EDIL3: variants seen among roughly 807,000 people sequenced by gnomAD.
The protein encoded by EDIL3 is EGF like and discoidin domains 3.
A neutral mutation model predicts 67.4 loss-of-function variants in EDIL3; 37 were observed. That is an observed-to-expected ratio of 0.55 (90% CI 0.42 to 0.72). The LOEUF is 0.72. Ranked by LOEUF, EDIL3 falls within the 30% of genes least tolerant of loss-of-function variation. EDIL3 has a pLI of 0.00. For synonymous variants in EDIL3, 195 were observed against 196.3 expected (o/e 0.99, Z 0.05); for missense variants, 527 against 586.3 (o/e 0.90, Z 1.04).
intron 1 of EDIL3, among the ~76,000 whole-genome samples, chr5:84,270,387 G>A (rs966248829): frequency 5.9e-5 from 9 of 152,126 alleles, no homozygotes; most frequent in Non-Finnish European, 1.3e-4. Context: ...TTGCAGATGT[G>A]AAATATTTAG....
chr5:84,366,075 A>G (rs1004028067), intron 1 of EDIL3, among the ~76,000 whole-genome samples: 1 of 152,180 alleles, frequency 6.6e-6, no homozygotes, highest in African/African-American at 2.4e-5. Flanking sequence ...CCAGAAAGTT[A>G]TAGCTCAAAG....
In EDIL3 at chr5:84,117,031, T is replaced by TA. The variant is rs1561436254; in HGVS notation, c.470-10202_470-10201insT. On this transcript the variant is annotated intron_variant, in intron 5 of 10. Transcript: ENST00000296591. ...CAAGTTAAGTACTTATTTTTTTTTT[T>TA]TTTTTTTTTTTTTTGAGACGGAGTC... Among the ~76,000 whole-genome samples, 923 of 127,926 alleles carry TA rather than the reference T, an allele frequency of 7.2e-3. 15 individuals are homozygous for TA. The highest frequency in any genetic ancestry group is 0.031 in the African/African-American group (883 of 28,654). 83.9% of individuals were successfully genotyped at this position (127,926 alleles called of 152,430 possible).
intron 1 of EDIL3, among the ~76,000 whole-genome samples, chr5:84,379,081 G>C (rs1391885967): frequency 6.6e-6 from 1 of 152,094 alleles, no homozygotes; most frequent in East Asian, 1.9e-4. Context: ...TTTTATCCTA[G>C]GAGAACTCTG....
chr5:84,244,030 T>C (rs2112062926), intron 2 of EDIL3, among the ~76,000 whole-genome samples: 1 of 152,312 alleles, frequency 6.6e-6, no homozygotes, highest in Non-Finnish European at 1.5e-5. Context: ...AACCTAGTTT[T>C]TCTATGGCTC....
chr5:84,171,525 A>G (rs1213923545), intron 4 of EDIL3, among the ~76,000 whole-genome samples: 1 of 152,188 alleles, frequency 6.6e-6, no homozygotes, highest in Non-Finnish European at 1.5e-5. Context: ...AGATTTTAAG[A>G]GCAGTAAGCT....
chr5:84,163,560 C>A (rs1013787747), intron 4 of EDIL3, among the ~76,000 whole-genome samples: 1 of 151,942 alleles, frequency 6.6e-6, no homozygotes, highest in Non-Finnish European at 1.5e-5. Context: ...ATAAAAAAGT[C>A]ATGGATAGCT....
chr5:84,016,746 T>C (rs527679363), intron 9 of EDIL3, among the ~76,000 whole-genome samples: 1 of 152,342 alleles, frequency 6.6e-6, no homozygotes, highest in South Asian at 2.1e-4. Context: ...TCAATACATA[T>C]ATATGTAAAC....
chr5:84,348,900 T>C (rs887513535), intron 1 of EDIL3, among the ~76,000 whole-genome samples: 2 of 152,208 alleles, frequency 1.3e-5, no homozygotes, highest in East Asian at 3.8e-4. Context: ...TAAATAAAAA[T>C]CATATTTAAT....
intron 1 of EDIL3, among the ~76,000 whole-genome samples, chr5:84,319,494 C>CAAAAAAAAAAAAAAAAAA (rs55738450): frequency 7.7e-4 from 33 of 42,832 alleles, no homozygotes; most frequent in East Asian, 1.7e-3. Flanking sequence ...CAAAAAACAA[C>CAAAAAAAAAAAAAAAAAA]AAAAAAAAAA....
At chr5:84,297,167 G>C (rs1173494814) in intron 1 of EDIL3, among the ~76,000 whole-genome samples, 4 of 118,226 alleles carry the variant, frequency 3.4e-5, no homozygotes, top group Admixed American at 1.0e-4. Flanking sequence ...GGGCGACAGA[G>C]CAAGACTCCG....
At chr5:84,363,348 G>A (rs1037850588) in intron 1 of EDIL3, among the ~76,000 whole-genome samples, 18 of 151,674 alleles carry the variant, frequency 1.2e-4, no homozygotes, top group Non-Finnish European at 5.9e-5. Flanking sequence ...TACTCGGGAG[G>A]CTGAGGCAGG....
At chr5:84,015,640 G>A (rs888127973) in intron 9 of EDIL3, among the ~76,000 whole-genome samples, 1 of 151,848 alleles carries the variant, frequency 6.6e-6, no homozygotes, top group African/African-American at 2.4e-5. Context: ...TTTACATTAA[G>A]AGATATAACA....
At chr5:84,079,855 CT>C (rs1746930681) in intron 6 of EDIL3, among the ~76,000 whole-genome samples, 1 of 152,046 alleles carries the variant, frequency 6.6e-6, no homozygotes, top group Non-Finnish European at 1.5e-5. Flanking sequence ...TGCAACTCCC[CT>C]GTTCTTTCAC....
At chr5:84,150,468 G>A (rs1251561612) in intron 4 of EDIL3, among the ~76,000 whole-genome samples, 1 of 151,982 alleles carries the variant, frequency 6.6e-6, no homozygotes, top group African/African-American at 2.4e-5. Flanking sequence ...AATAAAAAGT[G>A]GGAAAAATAT....
intron 2 of EDIL3, among the ~76,000 whole-genome samples, chr5:84,241,627 T>G (rs1196900450): frequency 1.3e-5 from 2 of 151,772 alleles, no homozygotes; most frequent in Non-Finnish European, 2.9e-5. Flanking sequence ...ATAAATTTTT[T>G]GAAAAATTAA....
intron 2 of EDIL3, among the ~76,000 whole-genome samples, chr5:84,245,859 T>C (rs1455431386): frequency 6.6e-6 from 1 of 151,892 alleles, no homozygotes; most frequent in East Asian, 1.9e-4. Context: ...AAGGGCAATT[T>C]GATATTACCT....
intron 2 of EDIL3, among the ~76,000 whole-genome samples, chr5:84,235,120 A>T (rs1367300675): frequency 6.6e-6 from 1 of 152,098 alleles, no homozygotes; most frequent in Non-Finnish European, 1.5e-5. Flanking sequence ...GTTTGGGTTA[A>T]TTTGGTTTTT....
At chr5:84,044,140 G>C (rs1217736375) in intron 9 of EDIL3, among the ~76,000 whole-genome samples, 19 of 151,976 alleles carry the variant, frequency 1.3e-4, no homozygotes, top group Admixed American at 1.2e-3. Flanking sequence ...TCCCACTTAT[G>C]AGTGAGAATA....
chr5:83,987,869 GTATATA>G (rs34360330), intron 9 of EDIL3, among the ~76,000 whole-genome samples: 324 of 138,404 alleles, frequency 2.3e-3, no homozygotes, highest in Non-Finnish European at 4.0e-3. Flanking sequence ...GTGTGTGTAT[GTATATA>G]TATATATATA....
Sources: allele counts gnomAD v4.1 joint callset (sites outside exome capture counted in the v4.1 genomes callset), GRCh38; gene constraint gnomAD v4.1.1; transcripts MANE v1.5; gene names NCBI Gene and HGNC (gene_info 2026-07-23, HGNC 2026-07-21).